PLA2G5: variants seen among roughly 807,000 people sequenced by gnomAD.
The protein encoded by PLA2G5 is Ca2+-dependent phospholipase A2.
A neutral mutation model predicts 15.9 loss-of-function variants in PLA2G5; 12 were observed. The observed-to-expected ratio is 0.76, with a 90% CI of 0.48 to 1.23. The LOEUF is 1.23. PLA2G5 is among the 50% of genes most tolerant of loss of function. The pLI, the probability that PLA2G5 is intolerant of heterozygous loss-of-function variation, is 0.00. For synonymous variants in PLA2G5, 71 were observed against 71.4 expected (o/e 0.99, Z 0.03); for missense variants, 169 against 177.1 (o/e 0.95, Z 0.26).
chr1:20,075,882 T>C (rs964794642), intron 1 of PLA2G5, among the ~76,000 whole-genome samples: 2 of 150,450 alleles, frequency 1.3e-5, no homozygotes, highest in Non-Finnish European at 3.0e-5. Context: ...TTTTTTTTTT[T>C]TTTTTTTGAG....
chr1:20,075,013 A>G (rs955302965), intron 1 of PLA2G5, among the ~76,000 whole-genome samples: 1 of 152,146 alleles, frequency 6.6e-6, no homozygotes, highest in African/African-American at 2.4e-5. Flanking sequence ...CCTGCTAGGA[A>G]CCCTCGTTCT....
At chr1:20,070,941 G>T (rs2015337224) in intron 1 of PLA2G5, 1 of 152,162 alleles carries the variant, frequency 6.6e-6, no homozygotes. Flanking sequence ...AAACCCAGAG[G>T]AGGGTAAGAT....
At chr1:20,080,271 G>A (rs947824995) in intron 1 of PLA2G5, among the ~76,000 whole-genome samples, 1 of 152,098 alleles carries the variant, frequency 6.6e-6, no homozygotes, top group Non-Finnish European at 1.5e-5. Context: ...TGTCCCTCCT[G>A]ATAGCCACCT....
chr1:20,044,957 G>A (rs2013814425), intron 1 of PLA2G5, among the ~76,000 whole-genome samples: 1 of 152,126 alleles, frequency 6.6e-6, no homozygotes, highest in African/African-American at 2.4e-5. Context: ...ACAGAGACTA[G>A]GGTGGGACTG....
intron 1 of PLA2G5, among the ~76,000 whole-genome samples, chr1:20,082,369 C>T (rs747529197): frequency 2.6e-5 from 4 of 151,624 alleles, no homozygotes; most frequent in Non-Finnish European, 5.9e-5. Context: ...TGTAGTTGTA[C>T]GCATGCTCCC....
chr1:20,089,676 C>T, intron 3 of PLA2G5, 113 bp from the exon 4 acceptor site: 2 of 735,138 alleles, frequency 2.7e-6, no homozygotes, highest in Admixed American at 2.1e-5. Context: ...TGCCACATCG[C>T]GTCCACCAAG....
intron 1 of PLA2G5, among the ~76,000 whole-genome samples, chr1:20,052,549 G>A (rs563892520): frequency 3.6e-4 from 54 of 151,972 alleles, no homozygotes; most frequent in African/African-American, 9.4e-4. Flanking sequence ...CTTCCTCCCC[G>A]TATTTTCTCT....
chr1:20,086,006 T>G, intron 2 of PLA2G5, 77 bp from the exon 3 acceptor site: 2 of 1,473,632 alleles, frequency 1.4e-6, no homozygotes, highest in African/African-American at 1.4e-5. Context: ...GGAGAAAGGG[T>G]AGGAGATGTT....
intron 1 of PLA2G5, among the ~76,000 whole-genome samples, chr1:20,056,260 C>A (rs2014428229): frequency 6.6e-6 from 1 of 151,930 alleles, no homozygotes; most frequent in Non-Finnish European, 1.5e-5. Context: ...TCTAAAGATC[C>A]ACTCAGAGTG....
At chr1:20,071,598 C>T (rs1381316362) in intron 1 of PLA2G5, among the ~76,000 whole-genome samples, 5 of 152,106 alleles carry the variant, frequency 3.3e-5, no homozygotes, top group East Asian at 1.9e-4. Context: ...GATCCAGTTC[C>T]GGGCAGGGCG....
chr1:20,090,134 A>G (rs2016496758), intron 4 of PLA2G5, among the ~76,000 whole-genome samples: 1 of 152,178 alleles, frequency 6.6e-6, no homozygotes, highest in Non-Finnish European at 1.5e-5. Context: ...AAATACCTGT[A>G]GAGTATGTTT....
intron 1 of PLA2G5, among the ~76,000 whole-genome samples, chr1:20,033,416 G>A (rs1209861651): frequency 6.6e-6 from 1 of 152,154 alleles, no homozygotes; most frequent in African/African-American, 2.4e-5. Context: ...GTGACTAGAG[G>A]GTTACCTATG....
intron 1 of PLA2G5, among the ~76,000 whole-genome samples, chr1:20,037,391 A>G (rs2013318024): frequency 6.6e-6 from 1 of 152,138 alleles, no homozygotes; most frequent in South Asian, 2.1e-4. Flanking sequence ...GCCTTCAAAG[A>G]GTCCTGTGAT....
intron 1 of PLA2G5, among the ~76,000 whole-genome samples, chr1:20,046,813 G>A (rs982128778): frequency 2.6e-5 from 4 of 152,128 alleles, no homozygotes; most frequent in African/African-American, 9.7e-5. Context: ...GGTCTTGGCT[G>A]TTGTTTCTTA....
At chr1:20,079,601 C>T (rs977249199) in intron 1 of PLA2G5, among the ~76,000 whole-genome samples, 2 of 152,170 alleles carry the variant, frequency 1.3e-5, no homozygotes, top group Non-Finnish European at 2.9e-5. Flanking sequence ...ACCTGGACCT[C>T]CTGGGCTCGG....
chr1:20,070,033 G>A (rs1399502482), upstream of PLA2G5, among the ~76,000 whole-genome samples: 1 of 152,212 alleles, frequency 6.6e-6, no homozygotes, highest in African/African-American at 2.4e-5. Context: ...TTCGGGCTGA[G>A]GGGATTAGCA....
Position 20,070,401 on chromosome 1 carries a change from T to A in PLA2G5, c.-75T>A. 4 of 985,398 alleles carry A rather than the reference T, an allele frequency of 4.1e-6. No homozygotes were observed. The highest frequency in any genetic ancestry group is 4.8e-6 in the Non-Finnish European group (4 of 829,940). The allele number at this position is 985,398 out of a possible 1,614,324, so 61.0% of individuals were successfully genotyped here. On this transcript the variant is annotated 5_prime_UTR_variant, in exon 1 of 5. Transcript: ENST00000375108. ...GCCCGCGAGACCCGGGTCTCCAGGG[T>A]CTGCCCAAGGAAGTTGCTCATGGGA...
chr1:20,034,078 G>C (rs2013115115), intron 1 of PLA2G5, among the ~76,000 whole-genome samples: 1 of 152,120 alleles, frequency 6.6e-6, no homozygotes, highest in Non-Finnish European at 1.5e-5. Context: ...GAGCCTTTGT[G>C]GGTGAGACCT....
chr1:20,070,337 ATGGTCTG>A lies in PLA2G5; in HGVS notation c.-135_-129del. 5 of 985,492 alleles carry A rather than the reference ATGGTCTG, an allele frequency of 5.1e-6. No homozygotes were observed. The highest frequency in any genetic ancestry group is 6.0e-6 in the Non-Finnish European group (5 of 829,974). 61.0% of individuals were successfully genotyped at this position (985,492 alleles called of 1,614,324 possible). A position where few individuals can be genotyped will look rare whatever the true frequency, so the allele number is the denominator to read the frequency against. On this transcript the variant is annotated 5_prime_UTR_variant, in exon 1 of 5. An upstream open reading frame in the 5' UTR loses its in-frame stop. Coordinates refer to ENST00000375108, the MANE Select transcript of PLA2G5 (RefSeq NM_000929.3). ...CAAGAATTTGACTCCCCCCGGATCCATGGTCTGTGGATACCAATGTTCCGACTGGAGA... is the reference window on the plus strand; with the variant it reads ...CAAGAATTTGACTCCCCCCGGATCCATGGATACCAATGTTCCGACTGGAGA...
Sources: gnomAD v4.1 joint callset for allele counts (sites outside exome capture counted in the v4.1 genomes callset) on GRCh38, gnomAD v4.1.1 for gene constraint, MANE v1.5 for transcripts, NCBI Gene and HGNC (gene_info 2026-07-23, HGNC 2026-07-21) for gene names.